PIK3CD: variants seen among roughly 807,000 people sequenced by gnomAD.
The protein encoded by PIK3CD is phosphatidylinositol-4,5-bisphosphate 3-kinase catalytic subunit delta, also known as phosphatidylinositol 4,5-bisphosphate 3-kinase catalytic subunit delta isoform.
A neutral mutation model predicts 122.9 loss-of-function variants in PIK3CD; 20 were observed. The ratio of observed to expected loss-of-function variants is 0.16; its 90% CI spans 0.11 to 0.24. The LOEUF is 0.24. PIK3CD is among the 10% of genes least tolerant of loss of function. PIK3CD has a pLI of 1.00. For synonymous variants in PIK3CD, 596 were observed against 593.4 expected (o/e 1.00, Z -0.06); for missense variants, 787 against 1,406.3 (o/e 0.56, Z 7.04).
chr1:9,667,531 C>T (rs758772243), intron 1 of PIK3CD, among the ~76,000 whole-genome samples: 28 of 151,358 alleles, frequency 1.8e-4, no homozygotes, highest in Non-Finnish European at 3.7e-4. Context: ...CTCACGCCAC[C>T]ACGCCCGGCT....
intron 2 of PIK3CD, among the ~76,000 whole-genome samples, chr1:9,699,923 C>T (rs560010823): frequency 2.0e-5 from 3 of 152,236 alleles, no homozygotes; most frequent in South Asian, 2.1e-4. Context: ...CCCCACTGCC[C>T]GGAACCCTAT....
intron 1 of PIK3CD, among the ~76,000 whole-genome samples, chr1:9,656,124 G>T (rs932205859): frequency 3.9e-5 from 6 of 152,138 alleles, no homozygotes; most frequent in African/African-American, 1.4e-4. Flanking sequence ...AGAAAATGCC[G>T]GAAGAGTGGG....
chr1:9,724,847 C>A lies in PIK3CD; in HGVS notation c.2908C>A (p.His970Asn). The A allele has an allele frequency of 1.2e-6, 2 of 1,613,978 alleles. No individual in the cohort carries two copies. The highest frequency in any genetic ancestry group is 1.7e-6 in the Non-Finnish European group (2 of 1,180,042). ...AAGGGCCTACACCATCCTGCGGCGC[C>A]ACGGGCTTCTCTTCCTCCACCTCTT... ...CERAYTILRR[H>N]GLLFLHLFAL... The change falls in exon 23 of 24, where the codon CAC (histidine) becomes AAC (asparagine). Residue 970 changes from histidine (H) to asparagine (N), a missense_variant. By Grantham distance (68) the His-to-Asn change is moderately conservative. Around this residue, in one of 6 missense-constraint regions of PIK3CD, gnomAD observed 60 missense variants for 129.5 expected, o/e 0.46. Transcript: ENST00000377346. This position sits in a 1 kb window ranked among gnomAD's most constrained non-coding sequence, Gnocchi z 7.3.
the PIK3CD span, among the ~76,000 whole-genome samples, chr1:9,642,255 G>A: frequency 1.3e-5 from 2 of 151,772 alleles, no homozygotes; most frequent in African/African-American, 4.8e-5. Context: ...TGGGACTACA[G>A]GCATGCACCA....
chr1:9,628,453 C>T, the PIK3CD span, among the ~76,000 whole-genome samples: 1 of 152,308 alleles, frequency 6.6e-6, no homozygotes, highest in East Asian at 1.9e-4. Context: ...AGCATTTTTA[C>T]ATATATGAAT....
rs1294754656 is a variant in PIK3CD at position 9,719,245 on chromosome 1, G to T, written c.1242+330G>T. Among the ~76,000 whole-genome samples, 1 of 152,234 alleles carries T rather than the reference G, an allele frequency of 6.6e-6. No homozygotes were observed. Among genetic ancestry groups the T allele is most frequent in the African/African-American group, 2.4e-5 (1 of 41,462 alleles). On this transcript the variant is annotated intron_variant, in intron 9 of 23. Coordinates refer to ENST00000377346, the MANE Select transcript of PIK3CD (RefSeq NM_005026.5). This position sits in a 1 kb window ranked among gnomAD's most constrained non-coding sequence, Gnocchi z 5.5. ...GAAAAGCCTGAGTCAGCGGCTGGCCGGGAGGCGTAGTGGCTGGGTGCTGAG... is the reference window on the plus strand; with the variant it reads ...GAAAAGCCTGAGTCAGCGGCTGGCCTGGAGGCGTAGTGGCTGGGTGCTGAG...
rs550169959 is a variant in PIK3CD, at chr1:9,710,694, T to C, written c.141+98T>C. The C allele has an allele frequency of 5.2e-4, 708 of 1,350,878 alleles. 6 individuals carry two copies. The highest frequency in any genetic ancestry group is 5.0e-3 in the South Asian group (424 of 84,956). The allele number at this position is 1,350,878 out of a possible 1,614,324, so 83.7% of individuals were successfully genotyped here. On this transcript the variant is annotated intron_variant, in intron 3 of 23. Transcript: ENST00000377346. This position sits in a 1 kb window ranked among gnomAD's most constrained non-coding sequence, Gnocchi z 4.7. ...ACAGACAGACAGACAGATGGACAGG[T>C]GGACAGACGGACAGACAGATGGACA... is the stretch of plus-strand genomic sequence containing the variant.
rs1165564211 is a variant in PIK3CD at position 9,720,919 on chromosome 1, G to C, written c.1689+10G>C. 1 of 1,577,914 alleles carries C rather than the reference G, an allele frequency of 6.3e-7. No homozygotes were observed. The highest frequency in any genetic ancestry group is 8.6e-7 in the Non-Finnish European group (1 of 1,162,390). On this transcript the variant is annotated intron_variant, in intron 13 of 23. Transcript: ENST00000377346. The surrounding 1 kb of genome is among the most constrained non-coding windows in gnomAD (Gnocchi z 9.0). ...TGAGGATGTGGCCCAGGTGGGTGGG[G>C]AGGCGCACCTGGGGGCGGAGCTGGG...
intron 5 of PIK3CD, 99 bp from the exon 6 acceptor site, chr1:9,716,341 C>T: frequency 8.4e-7 from 1 of 1,189,798 alleles, no homozygotes; most frequent in Non-Finnish European, 1.2e-6. Context: ...TGTGAACTCC[C>T]CAGACCCTAC....
the PIK3CD span, among the ~76,000 whole-genome samples, chr1:9,629,388 C>T: frequency 4.6e-5 from 7 of 152,036 alleles, no homozygotes; most frequent in African/African-American, 1.7e-4. Flanking sequence ...GCAGCTGACC[C>T]TCTCCCCTTT....
the PIK3CD span, among the ~76,000 whole-genome samples, chr1:9,640,604 G>A: frequency 3.3e-5 from 5 of 151,628 alleles, no homozygotes; most frequent in South Asian, 4.2e-4. Context: ...AAAAAGAAAC[G>A]AAAATCAAGA....
chr1:9,696,738 A>G (rs913507450), intron 2 of PIK3CD, among the ~76,000 whole-genome samples: 6 of 151,310 alleles, frequency 4.0e-5, no homozygotes, highest in Non-Finnish European at 7.4e-5. Context: ...AAAAAAAAAA[A>G]GAGAGAAGAA....
At chr1:9,645,764 C>A in the PIK3CD span, among the ~76,000 whole-genome samples, 1 of 151,932 alleles carries the variant, frequency 6.6e-6, no homozygotes, top group African/African-American at 2.4e-5. Flanking sequence ...CGCCACCATG[C>A]TCAGCTAATT....
In PIK3CD at chr1:9,702,500, C is replaced by CT. The variant is rs60167511; in HGVS notation, c.-32-7887dup. On this transcript the variant is annotated intron_variant, in intron 2 of 23. Transcript: ENST00000377346. The stretch of plus-strand genomic sequence containing the variant: ...GTCCACTTCCAAGGAAAGAACTTTC[C>CT]TTTTTTTTTTTTTTTTTTTTTTTTT... Among the ~76,000 whole-genome samples, 89 of 25,822 alleles carry CT rather than the reference C, an allele frequency of 3.4e-3. 27 individuals are homozygous for CT. The highest frequency in any genetic ancestry group is 9.1e-3 in the Admixed American group (23 of 2,538). 16.9% of individuals were successfully genotyped at this position (25,822 alleles called of 152,430 possible).
chr1:9,719,169 G>A lies in PIK3CD; in HGVS notation c.1242+254G>A, dbSNP rs1648062446. On this transcript the variant is annotated intron_variant, in intron 9 of 23. Transcript: ENST00000377346. This position sits in a 1 kb window ranked among gnomAD's most constrained non-coding sequence, Gnocchi z 5.5. ...CTGGGCTGTGGTCCTGCAGGAACCT[G>A]CAGGTAGTGCCCTGGGATGGAAGGA... is the stretch of plus-strand genomic sequence containing the variant. Among the ~76,000 whole-genome samples, 1 of 152,250 alleles carries A rather than the reference G, an allele frequency of 6.6e-6. No homozygotes were observed. The highest frequency in any genetic ancestry group is 2.1e-4 in the South Asian group (1 of 4,836).
intron 1 of PIK3CD, among the ~76,000 whole-genome samples, chr1:9,668,432 G>A (rs944002689): frequency 1.3e-4 from 19 of 147,796 alleles, no homozygotes; most frequent in African/African-American, 4.5e-4. Flanking sequence ...AATATTAGCT[G>A]TTCTTATTCT....
rs769665281 is a variant in PIK3CD at position 9,717,572 on chromosome 1, G to C, written c.966G>C (p.Pro322=). 13 of 1,613,974 alleles carry C rather than the reference G, an allele frequency of 8.1e-6. No individual in the cohort carries two copies. In the South Asian group the frequency reaches 1.3e-4, roughly 16 times the overall value. The change falls in exon 8 of 24, where the codon CCG becomes CCC. Residue 322 remains proline (P), a synonymous_variant. Transcript: ENST00000377346. This position sits in a 1 kb window ranked among gnomAD's most constrained non-coding sequence, Gnocchi z 5.4. ...TGTCCCTGTGGTCCCTGGAGCAGCC[G>C]TTCCGCATCGAGCTCATCCAGGGCA... ...SSVSLWSLEQ[P]FRIELIQGSK...
At chr1:9,675,704 C>T (rs1221732834) in intron 1 of PIK3CD, among the ~76,000 whole-genome samples, 4 of 150,924 alleles carry the variant, frequency 2.7e-5, no homozygotes, top group Non-Finnish European at 3.0e-5. Flanking sequence ...CCCCACCCCC[C>T]GTCCCCACCT....
At chr1:9,637,979 C>T in the PIK3CD span, among the ~76,000 whole-genome samples, 2 of 152,018 alleles carry the variant, frequency 1.3e-5, no homozygotes, top group Non-Finnish European at 1.5e-5. Context: ...TGGTGGCAGG[C>T]GCCTGTAGTC....
Sources: allele counts gnomAD v4.1 joint callset (sites outside exome capture counted in the v4.1 genomes callset), GRCh38; gene constraint gnomAD v4.1.1; regional missense constraint gnomAD v4.1.1; non-coding constraint Gnocchi (gnomAD v3.1); transcripts MANE v1.5; gene names NCBI Gene and HGNC (gene_info 2026-07-23, HGNC 2026-07-21).